ARID2: variants seen among roughly 807,000 people sequenced by gnomAD.
The protein encoded by ARID2 is AT-rich interaction domain 2.
A neutral mutation model predicts 184.6 loss-of-function variants in ARID2; 32 were observed. The observed-to-expected ratio is 0.17, with a 90% CI of 0.13 to 0.23. The LOEUF (loss-of-function observed/expected upper bound fraction) is 0.23, where lower values mean the gene tolerates loss of function less well. Ranked by LOEUF, ARID2 falls within the 10% of genes least tolerant of loss-of-function variation. The probability of loss-of-function intolerance (pLI) is 1.00; values close to 1 mark genes in which losing one functional copy is unlikely to be tolerated. For missense variants in ARID2, 1,696 were observed against 2,197.6 expected, an observed-to-expected ratio of 0.77 and a Z score of 4.56; for synonymous variants, 836 against 772.6, an observed-to-expected ratio of 1.08 and a Z score of -1.36.
At chr12:45,852,992 A>G (rs1943584844) in intron 15 of ARID2, 96 bp downstream of exon 15, 1 of 1,428,096 alleles carries the variant, frequency 7.0e-7, no homozygotes, top group Non-Finnish European at 9.1e-7. Context: ...CTCATCTTGA[A>G]AAGTTACTGT....
At chr12:45,885,927 G>A (rs1206606252) in intron 16 of ARID2, among the ~76,000 whole-genome samples, 1 of 152,062 alleles carries the variant, frequency 6.6e-6, no homozygotes, top group Non-Finnish European at 1.5e-5. Flanking sequence ...ATTTGGGTGG[G>A]TACACAGCCA....
At chr12:45,822,817 C>T (rs199572507) in intron 6 of ARID2, among the ~76,000 whole-genome samples, 64 of 152,050 alleles carry the variant, frequency 4.2e-4, no homozygotes, top group East Asian at 3.7e-3. Context: ...ACTGGAGGCC[C>T]CAGATGTATA....
At chr12:45,899,695 T>TTA (rs1219289824) in intron 20 of ARID2, among the ~76,000 whole-genome samples, 22 of 78,730 alleles carry the variant, frequency 2.8e-4, no homozygotes, top group South Asian at 1.9e-3. Flanking sequence ...ATATATATGG[T>TTA]TATATATATA....
intron 3 of ARID2, among the ~76,000 whole-genome samples, chr12:45,746,693 T>C (rs1941362068): frequency 6.6e-6 from 1 of 152,160 alleles, no homozygotes; most frequent in South Asian, 2.1e-4. Flanking sequence ...ACTGTTAATA[T>C]CCTGGTATTA....
At chr12:45,834,164 A>T (rs920309933) in intron 6 of ARID2, among the ~76,000 whole-genome samples, 12 of 152,142 alleles carry the variant, frequency 7.9e-5, no homozygotes, top group Middle Eastern at 6.8e-3. Flanking sequence ...TTTTTCATAC[A>T]TGTTGGGTTT....
At chr12:45,760,258 G>C (rs1941649930) in intron 3 of ARID2, among the ~76,000 whole-genome samples, 2 of 152,036 alleles carry the variant, frequency 1.3e-5, no homozygotes, top group African/African-American at 4.8e-5. Context: ...GTGTCTCTTT[G>C]GGCTATTATA....
intron 16 of ARID2, among the ~76,000 whole-genome samples, chr12:45,869,033 T>C (rs1183933868): frequency 6.6e-5 from 10 of 152,116 alleles, no homozygotes; most frequent in Admixed American, 4.6e-4. Flanking sequence ...TTTGTTTTTT[T>C]TTTTGAGATG....
At chr12:45,746,943 G>T (rs1261490143) in intron 3 of ARID2, among the ~76,000 whole-genome samples, 1 of 151,910 alleles carries the variant, frequency 6.6e-6, no homozygotes, top group African/African-American at 2.4e-5. Context: ...ATTTTTCTTT[G>T]TATTTTAGGT....
Position 45,906,214 on chromosome 12 carries a change from A to G in ARID2, c.*1136A>G, listed in dbSNP as rs1017274650. ...TATATATGCATTATGTGCAGGTATG[A>G]TATTTTCTTCACTACTTTTTCTATC... On this transcript the variant is annotated 3_prime_UTR_variant, in exon 21 of 21. Coordinates refer to ENST00000334344, the MANE Select transcript of ARID2 (RefSeq NM_152641.4). 8.6e-6 allele frequency: 2 copies of G among 232,754 alleles called. No homozygotes were observed. Among genetic ancestry groups the G allele is most frequent in the Non-Finnish European group, 8.5e-6 (1 of 117,664 alleles). 14.4% of individuals were successfully genotyped at this position (232,754 alleles called of 1,614,324 possible).
intron 16 of ARID2, among the ~76,000 whole-genome samples, chr12:45,867,692 C>T (rs1023775451): frequency 7.3e-5 from 11 of 149,958 alleles, no homozygotes; most frequent in Non-Finnish European, 8.9e-5. Context: ...GCAGTGAGCC[C>T]AGATCGCGCC....
chr12:45,820,948 T>A (rs1283973065), intron 5 of ARID2, among the ~76,000 whole-genome samples: 3 of 152,182 alleles, frequency 2.0e-5, no homozygotes, highest in Non-Finnish European at 4.4e-5. Context: ...GAATTTTCCT[T>A]AAAGGAGATT....
chr12:45,850,621 C>A lies in ARID2; in HGVS notation c.2498C>A (p.Ser833Tyr), dbSNP rs1253615576. 6.2e-7 allele frequency: 1 copy of A among 1,614,042 alleles called. No homozygotes were observed. Among genetic ancestry groups the A allele is most frequent in the East Asian group, 2.2e-5 (1 of 44,896 alleles). ...TCACCCCAACCTGTGCAAACTTCATCTCAACAGACATCAGCTGGTAGCCAG... is the reference window on the plus strand; with the variant it reads ...TCACCCCAACCTGTGCAAACTTCATATCAACAGACATCAGCTGGTAGCCAG... ...TTSPQPVQTS[S>Y]QQTSAGSQSQ... Residue 833 changes from serine to tyrosine, a missense_variant, in exon 15 of 21, where the codon TCT (serine) becomes TAT (tyrosine). Transcript: ENST00000334344.
intron 16 of ARID2, among the ~76,000 whole-genome samples, chr12:45,888,186 C>T (rs1425836961): frequency 1.4e-5 from 2 of 144,880 alleles, no homozygotes; most frequent in Non-Finnish European, 3.0e-5. Flanking sequence ...CAGAGCGAGA[C>T]TCCGTCTCAA....
chr12:45,890,197 ATC>A (rs1409665513), intron 16 of ARID2, among the ~76,000 whole-genome samples: 1 of 152,248 alleles, frequency 6.6e-6, no homozygotes, highest in African/African-American at 2.4e-5. Context: ...ACTTAAAAAT[ATC>A]TGTTTTAAAA....
Position 45,783,955 on chromosome 12 carries a change from G to T in ARID2, c.285-27463G>T, listed in dbSNP as rs570597322. ...CCTAATGAGAGACTTCTATAAAGTGGACAGAATCCAAAAATATAAATATGC... is the reference window on the plus strand; with the variant it reads ...CCTAATGAGAGACTTCTATAAAGTGTACAGAATCCAAAAATATAAATATGC... On this transcript the variant is annotated intron_variant, in intron 3 of 20. Transcript: ENST00000334344. Among the ~76,000 whole-genome samples the T allele has an allele frequency of 5.5e-4, 84 of 152,224 alleles. 1 individual carries two copies. The highest frequency in any genetic ancestry group is 3.4e-3 in the Middle Eastern group (1 of 294).
At chr12:45,809,111 T>C (rs1261998035) in intron 3 of ARID2, among the ~76,000 whole-genome samples, 1 of 152,232 alleles carries the variant, frequency 6.6e-6, no homozygotes, top group East Asian at 1.9e-4. Flanking sequence ...TGATAACAAC[T>C]TATGAAGAGC....
rs150264570 is a variant in ARID2 at position 45,900,160 on chromosome 12, A to T, written c.5364-4774A>T. On this transcript the variant is annotated intron_variant, in intron 20 of 20. Coordinates refer to ENST00000334344, the MANE Select transcript of ARID2 (RefSeq NM_152641.4). ...ATTTCAACCTTTGCCTCCCAGGTTC[A>T]AGTGATTCTCCTGCCTCAGCCTCCT... Among the ~76,000 whole-genome samples the T allele has an allele frequency of 7.6e-3, 1,161 of 152,176 alleles. 20 individuals are homozygous for T. Among genetic ancestry groups the T allele is most frequent in the African/African-American group, 0.026 (1,090 of 41,512 alleles).
chr12:45,846,381 G>C (rs1943440646), intron 11 of ARID2, among the ~76,000 whole-genome samples: 1 of 152,068 alleles, frequency 6.6e-6, no homozygotes, highest in South Asian at 2.1e-4. Flanking sequence ...AGGGAGTGAA[G>C]CCATAATTTC....
intron 3 of ARID2, among the ~76,000 whole-genome samples, chr12:45,767,877 A>C (rs566459864): frequency 6.6e-6 from 1 of 152,236 alleles, no homozygotes; most frequent in Admixed American, 6.5e-5. Context: ...TTTGAGCTAT[A>C]CATTTAGTTG....
Sources: allele counts gnomAD v4.1 joint callset (sites outside exome capture counted in the v4.1 genomes callset), GRCh38; gene constraint gnomAD v4.1.1; transcripts MANE v1.5; gene names NCBI Gene and HGNC (gene_info 2026-07-23, HGNC 2026-07-21).